Variants in ATXN7L1 observed in about 807,000 individuals in gnomAD.
ATXN7L1 encodes the protein ataxin-7-like protein 1.
A neutral mutation model predicts 70.8 loss-of-function variants in ATXN7L1; 15 were observed. That is an observed-to-expected ratio of 0.21 (90% CI 0.14 to 0.33). The LOEUF (loss-of-function observed/expected upper bound fraction) is 0.33, where lower values mean the gene tolerates loss of function less well. ATXN7L1 is among the 10% of genes least tolerant of loss of function. The pLI, the probability that ATXN7L1 is intolerant of heterozygous loss-of-function variation, is 1.00. For missense variants in ATXN7L1, 975 were observed against 1,097.1 expected (o/e 0.89, Z 1.57); for synonymous variants, 440 against 445.1 (o/e 0.99, Z 0.14).
chr7:105,792,126 T>C (rs1375836670), intron 2 of ATXN7L1, among the ~76,000 whole-genome samples: 4 of 152,148 alleles, frequency 2.6e-5, no homozygotes, highest in Non-Finnish European at 5.9e-5. Context: ...ACACATCTGT[T>C]ATGTCAGTGA....
intron 3 of ATXN7L1, among the ~76,000 whole-genome samples, chr7:105,732,454 AT>A (rs113810606): frequency 7.1e-4 from 107 of 151,744 alleles, no homozygotes; most frequent in African/African-American, 1.7e-3. Context: ...TGAATTATGG[AT>A]TTTTTTTTCC....
At chr7:105,835,110 G>A (rs1477156090) in intron 2 of ATXN7L1, among the ~76,000 whole-genome samples, 1 of 149,124 alleles carries the variant, frequency 6.7e-6, no homozygotes, top group African/African-American at 2.5e-5. Flanking sequence ...ATGCCCCTGT[G>A]GAAGCTGTTT....
At chr7:105,740,626 G>T (rs1001988443) in intron 3 of ATXN7L1, among the ~76,000 whole-genome samples, 7 of 152,102 alleles carry the variant, frequency 4.6e-5, no homozygotes, top group Non-Finnish European at 1.0e-4. Flanking sequence ...CACAAGAAAT[G>T]TGGGCTTTGG....
intron 3 of ATXN7L1, chr7:105,760,466 AATGGTACTCTCCT>A: frequency 1.0e-6 from 1 of 985,780 alleles, no homozygotes. Context: ...AAGAATTCCT[AATGGTACTCTCCT>A]ATATACTGGT....
intron 3 of ATXN7L1, among the ~76,000 whole-genome samples, chr7:105,686,860 A>G (rs1806246767): frequency 1.3e-5 from 2 of 152,176 alleles, no homozygotes; most frequent in African/African-American, 4.8e-5. Context: ...CAAGACACTG[A>G]GAGGTTTATG....
intron 3 of ATXN7L1, among the ~76,000 whole-genome samples, chr7:105,740,251 C>G (rs1236977405): frequency 6.6e-6 from 1 of 152,162 alleles, no homozygotes; most frequent in East Asian, 1.9e-4. Context: ...CCATAAGGAA[C>G]CCAAGGGGCA....
intron 3 of ATXN7L1, among the ~76,000 whole-genome samples, chr7:105,771,272 T>A (rs1563079454): frequency 6.6e-6 from 1 of 151,550 alleles, no homozygotes; most frequent in Non-Finnish European, 1.5e-5. Context: ...GAATCTGCAT[T>A]TTTACAAGAT....
intron 3 of ATXN7L1, among the ~76,000 whole-genome samples, chr7:105,722,695 A>G (rs1795338949): frequency 6.6e-6 from 1 of 150,722 alleles, no homozygotes; most frequent in African/African-American, 2.4e-5. Flanking sequence ...TCTGGCCAAC[A>G]TGGTGAAACC....
chr7:105,696,346 A>G (rs1260450083), intron 3 of ATXN7L1, among the ~76,000 whole-genome samples: 2 of 152,314 alleles, frequency 1.3e-5, no homozygotes, highest in East Asian at 3.9e-4. Flanking sequence ...TGCTGCCTGA[A>G]AGAATATGGG....
intron 10 of ATXN7L1, among the ~76,000 whole-genome samples, chr7:105,612,970 G>A (rs763165983): frequency 6.6e-6 from 1 of 152,120 alleles, no homozygotes; most frequent in Admixed American, 6.5e-5. Flanking sequence ...CTAGGCTCCC[G>A]GGCAGGTTGG....
chr7:105,704,539 CCCCATGTTTGGATGAGGAAA>C (rs1792882636), intron 3 of ATXN7L1, among the ~76,000 whole-genome samples: 1 of 151,546 alleles, frequency 6.6e-6, no homozygotes, highest in African/African-American at 2.4e-5. Context: ...GTATCATCAC[CCCCATGTTTGGATGAGGAAA>C]CCAATGTCCA....
At chr7:105,773,374 C>G (rs1231474384) in intron 3 of ATXN7L1, among the ~76,000 whole-genome samples, 9 of 152,226 alleles carry the variant, frequency 5.9e-5, no homozygotes, top group Admixed American at 5.9e-4. Context: ...ATGCCCTGCA[C>G]TGCCACACTA....
At chr7:105,856,402 A>G (rs1815729327) in intron 2 of ATXN7L1, among the ~76,000 whole-genome samples, 1 of 152,150 alleles carries the variant, frequency 6.6e-6, no homozygotes, top group African/African-American at 2.4e-5. Context: ...CCTGGCCAAC[A>G]TGGTGAAACC....
chr7:105,856,976 T>A (rs1428112651), intron 2 of ATXN7L1, among the ~76,000 whole-genome samples: 2 of 152,336 alleles, frequency 1.3e-5, no homozygotes, highest in East Asian at 3.9e-4. Flanking sequence ...ACTGAGTGTG[T>A]CTACAACTGG....
At chr7:105,840,913 C>A (rs191347346) in intron 2 of ATXN7L1, among the ~76,000 whole-genome samples, 198 of 152,280 alleles carry the variant, frequency 1.3e-3, no homozygotes, top group Admixed American at 2.9e-3. Flanking sequence ...CCTCTCAGAA[C>A]CCTTATAGGG....
intron 4 of ATXN7L1, among the ~76,000 whole-genome samples, chr7:105,662,613 G>C (rs976882282): frequency 3.3e-5 from 5 of 152,170 alleles, no homozygotes; most frequent in Non-Finnish European, 1.5e-5. Context: ...GTTCATTGAT[G>C]ATCTTCCCCG....
At chr7:105,669,296 G>A (rs189345581) in intron 3 of ATXN7L1, among the ~76,000 whole-genome samples, 29 of 152,158 alleles carry the variant, frequency 1.9e-4, no homozygotes, top group African/African-American at 6.7e-4. Flanking sequence ...TAGCCAGGCT[G>A]GTTTCAAACT....
At position 105,614,593 on chromosome 7, in the gene ATXN7L1, T is replaced by C. The variant is rs923875758; in HGVS notation, c.1741A>G (p.Thr581Ala). 245 of 1,551,518 alleles carry C rather than the reference T, an allele frequency of 1.6e-4. No homozygotes were observed. The highest frequency in any genetic ancestry group is 4.9e-4 in the Admixed American group (25 of 50,958). Residue 581 changes from threonine (T) to alanine (A), a missense_variant, in exon 10 of 12, where the codon ACC becomes GCC. By Grantham distance (58) the Thr-to-Ala change is moderately conservative. This residue lies in a region of ATXN7L1 where 635 missense variants were observed against 699.4 expected (regional missense o/e 0.91). Transcript: ENST00000419735. This position sits in a 1 kb window ranked among gnomAD's most constrained non-coding sequence, Gnocchi z 4.3. ...SPDPSALMSH[T>A]TAFPHVAATL... Reference sequence around the variant, plus strand: ...GCGGCCACATGAGGGAAAGCTGTGGTGTGGGACATGAGGGCGCTCGGGTCC... The same window carrying C: ...GCGGCCACATGAGGGAAAGCTGTGGCGTGGGACATGAGGGCGCTCGGGTCC...
intron 2 of ATXN7L1, among the ~76,000 whole-genome samples, chr7:105,861,901 C>A (rs930967598): frequency 6.6e-6 from 1 of 152,216 alleles, no homozygotes; most frequent in Non-Finnish European, 1.5e-5. Context: ...TCTGTTTAAA[C>A]CTGGCTTGTG....
Sources: allele counts gnomAD v4.1 joint callset (sites outside exome capture counted in the v4.1 genomes callset), GRCh38; gene constraint gnomAD v4.1.1; regional missense constraint gnomAD v4.1.1; non-coding constraint Gnocchi (gnomAD v3.1); transcripts MANE v1.5; gene names NCBI Gene and HGNC (gene_info 2026-07-23, HGNC 2026-07-21).